The following EXD3 variants were observed in gnomAD, a reference collection of about 807,000 sequenced individuals.
EXD3 encodes exonuclease 3'-5' domain containing 3.
EXD3 carries 92 observed loss-of-function variants against 98.0 expected under a neutral mutation model. The observed-to-expected ratio is 0.94, with a 90% CI of 0.79 to 1.12. EXD3 has a LOEUF of 1.12. Ranked by LOEUF, EXD3 falls within the 50% of genes most tolerant of loss-of-function variation. The pLI, the probability that EXD3 is intolerant of heterozygous loss-of-function variation, is 0.00. For missense variants in EXD3, 1,222 were observed against 1,191.6 expected (o/e 1.03, Z -0.38); for synonymous variants, 569 against 526.0 (o/e 1.08, Z -1.12).
At position 137,374,890 on chromosome 9, in the gene EXD3, C is replaced by T. The variant is rs147345072; in HGVS notation, c.121-1291G>A. 3.7e-5 allele frequency: 36 copies of T among 983,072 alleles called. No individual in the cohort carries two copies. In the African/African-American group the frequency reaches 5.1e-4, roughly 14 times the overall value. The allele number at this position is 983,072 out of a possible 1,614,324, so 60.9% of individuals were successfully genotyped here. ...TAGTGAGTTCTAACTCTAGTGAGTC[C>T]TGGCCCTAGTGAGATCTAGCTCTAG... On this transcript the variant is annotated intron_variant, in intron 3 of 21. Coordinates refer to ENST00000340951, the MANE Select transcript of EXD3 (RefSeq NM_017820.5).
chr9:137,369,426 C>T (rs1190913198), intron 5 of EXD3, among the ~76,000 whole-genome samples: 1 of 152,166 alleles, frequency 6.6e-6, no homozygotes, highest in Non-Finnish European at 1.5e-5. Flanking sequence ...GTGGTCACAA[C>T]CCGCCCGCCC....
chr9:137,343,984 T>C (rs1252315935), intron 17 of EXD3, among the ~76,000 whole-genome samples: 1 of 130,030 alleles, frequency 7.7e-6, no homozygotes, highest in South Asian at 2.7e-4. Flanking sequence ...CTCCACCCCC[T>C]GGGTTCACGC....
chr9:137,366,382 C>T (rs1835258626), intron 7 of EXD3, 111 bp downstream of exon 7: 4 of 1,456,144 alleles, frequency 2.7e-6, no homozygotes, highest in Non-Finnish European at 3.7e-6. Flanking sequence ...AACACCAGAA[C>T]TTCCTGGGGA....
At chr9:137,398,540 C>T (rs1448639876) in intron 1 of EXD3, among the ~76,000 whole-genome samples, 3 of 149,612 alleles carry the variant, frequency 2.0e-5, no homozygotes, top group Non-Finnish European at 4.4e-5. Context: ...ACACAGGCAA[C>T]CGCGTCCCCA....
chr9:137,395,440 A>G lies in EXD3; in HGVS notation c.-47-36T>C. The G allele has an allele frequency of 6.3e-7, 1 of 1,590,778 alleles. No homozygotes were observed. Among genetic ancestry groups the G allele is most frequent in the Middle Eastern group, 1.7e-4 (1 of 6,028 alleles). On this transcript the variant is annotated intron_variant, in intron 1 of 21. Coordinates refer to ENST00000340951, the MANE Select transcript of EXD3 (RefSeq NM_017820.5). The surrounding 1 kb of genome is among the most constrained non-coding windows in gnomAD (Gnocchi z 6.5). ...AGACAATCAGGTGAATGCAGAGCCC[A>G]CTGCAACAGGCAGCCATGCAGAGCC...
intron 3 of EXD3, among the ~76,000 whole-genome samples, chr9:137,380,857 T>C (rs1222130058): frequency 1.3e-5 from 2 of 150,102 alleles, no homozygotes; most frequent in African/African-American, 4.9e-5. Flanking sequence ...AGGACCATCT[T>C]GGGAAGCCGA....
At chr9:137,374,860 AG>A (rs1835814776) in intron 3 of EXD3, 21 of 985,512 alleles carry the variant, frequency 2.1e-5, no homozygotes, top group Non-Finnish European at 2.0e-5. Context: ...ACTTAGTCCT[AG>A]CCCTAGTGAG....
At chr9:137,365,060 G>C (rs371043650) in intron 7 of EXD3, 1 of 151,386 alleles carries the variant, frequency 6.6e-6, no homozygotes, top group East Asian at 1.9e-4. Flanking sequence ...GAGCCGCCGA[G>C]CCCGGCCCTA....
chr9:137,376,881 A>G (rs911094358), intron 3 of EXD3, among the ~76,000 whole-genome samples: 1 of 142,306 alleles, frequency 7.0e-6, no homozygotes, highest in Non-Finnish European at 1.5e-5. Context: ...GTGAGCCGAG[A>G]TTGCGCCACT....
chr9:137,321,836 A>G (rs1207088526), intron 19 of EXD3, among the ~76,000 whole-genome samples: 1 of 152,112 alleles, frequency 6.6e-6, no homozygotes, highest in African/African-American at 2.4e-5. Context: ...CACAGCCCAC[A>G]GTCCCCCTTG....
intron 17 of EXD3, among the ~76,000 whole-genome samples, chr9:137,330,598 A>G (rs1214447069): frequency 5.7e-5 from 8 of 140,052 alleles, no homozygotes; most frequent in South Asian, 2.5e-4. Context: ...ACAGGACTAC[A>G]CAGGACTACA....
chr9:137,399,125 G>A (rs913173157), intron 1 of EXD3, among the ~76,000 whole-genome samples: 3 of 152,258 alleles, frequency 2.0e-5, no homozygotes, highest in Non-Finnish European at 2.9e-5. Context: ...CTGGCTGTGC[G>A]TGGCTGTGGG....
intron 3 of EXD3, among the ~76,000 whole-genome samples, chr9:137,382,190 G>GCGCA (rs1836346175): frequency 6.6e-6 from 1 of 151,968 alleles, no homozygotes; most frequent in Non-Finnish European, 1.5e-5. Context: ...GAGGGCGCGC[G>GCGCA]GAGGAGGTGA....
intron 8 of EXD3, among the ~76,000 whole-genome samples, 197 bp downstream of exon 8, chr9:137,356,071 C>T (rs942279250): frequency 3.9e-5 from 6 of 152,326 alleles, no homozygotes; most frequent in Admixed American, 3.9e-4. Flanking sequence ...GTTGGCTGCT[C>T]AGTCGCAGGG....
At chr9:137,406,226 AAAGAAAAG>A (rs1265994260) in intron 1 of EXD3, among the ~76,000 whole-genome samples, 3 of 151,896 alleles carry the variant, frequency 2.0e-5, no homozygotes, top group East Asian at 3.9e-4. Flanking sequence ...CAAAAAAGAA[AAAGAAAAG>A]AAAGAAAAGA....
At chr9:137,417,079 G>A (rs984607831) in intron 1 of EXD3, among the ~76,000 whole-genome samples, 3 of 152,236 alleles carry the variant, frequency 2.0e-5, no homozygotes, top group Non-Finnish European at 2.9e-5. Flanking sequence ...AGGAGAGGGC[G>A]ACCCTCGTGA....
At chr9:137,355,622 G>GA (rs1564508891) in intron 8 of EXD3, among the ~76,000 whole-genome samples, 10 of 6,104 alleles carry the variant, frequency 1.6e-3, no homozygotes, top group South Asian at 7.6e-3. Flanking sequence ...AAGGAGGAAG[G>GA]GAGGATGGAG....
chr9:137,360,529 C>T lies in EXD3; in HGVS notation c.657-4161G>A, dbSNP rs1178720696. 1.5e-4 allele frequency among the ~76,000 whole-genome samples: 11 copies of T among 73,872 alleles called. 3 individuals are homozygous for T. Among genetic ancestry groups the T allele is most frequent in the South Asian group, 9.7e-4 (1 of 1,028 alleles). 48.5% of individuals were successfully genotyped at this position (73,872 alleles called of 152,430 possible). ...AGGCTGGTGTGCAATGGCACGATAT[C>T]GGTTTACTGCAATCTCTGCCTCCCA... is the stretch of plus-strand genomic sequence containing the variant. On this transcript the variant is annotated intron_variant, in intron 7 of 21. Coordinates refer to ENST00000340951, the MANE Select transcript of EXD3 (RefSeq NM_017820.5).
rs1442400576 is a variant in EXD3 at position 137,371,664 on chromosome 9, A to G, written c.462+1241T>C. Among the ~76,000 whole-genome samples, 1 of 151,582 alleles carries G rather than the reference A, an allele frequency of 6.6e-6. No homozygotes were observed. The highest frequency in any genetic ancestry group is 1.5e-5 in the Non-Finnish European group (1 of 67,830). On this transcript the variant is annotated intron_variant, in intron 5 of 21. Transcript: ENST00000340951. The surrounding 1 kb of genome is among the most constrained non-coding windows in gnomAD (Gnocchi z 8.0). ...CCTCATACATGATCAGTGCACCCTG[A>G]GCTGAGCACCCCCAGGCCAGGCACC...
Sources: allele counts gnomAD v4.1 joint callset (sites outside exome capture counted in the v4.1 genomes callset), GRCh38; gene constraint gnomAD v4.1.1; non-coding constraint Gnocchi (gnomAD v3.1); transcripts MANE v1.5; gene names NCBI Gene and HGNC (gene_info 2026-07-23, HGNC 2026-07-21).